Variants in PAPSS1 observed in about 807,000 individuals in gnomAD.
PAPSS1 encodes 3'-phosphoadenosine 5'-phosphosulfate synthase 1, also known as bifunctional 3'-phosphoadenosine 5'-phosphosulfate synthase 1.
Under a neutral mutation model 72.0 loss-of-function variants are expected in PAPSS1, and 50 were observed. The ratio of observed to expected loss-of-function variants is 0.69; its 90% confidence interval spans 0.55 to 0.88. The LOEUF (loss-of-function observed/expected upper bound fraction) is 0.88, where lower values mean the gene tolerates loss of function less well. Ranked by LOEUF, PAPSS1 falls within the 40% of genes least tolerant of loss-of-function variation. The pLI is 0.00. For synonymous variants in PAPSS1, 261 were observed against 263.6 expected, an observed-to-expected ratio of 0.99 and a Z score of 0.09; for missense variants, 657 against 782.2, an observed-to-expected ratio of 0.84 and a Z score of 1.91.
At chr4:107,623,418 T>C (rs1726019588) in intron 11 of PAPSS1, among the ~76,000 whole-genome samples, 1 of 151,934 alleles carries the variant, frequency 6.6e-6, no homozygotes, top group Admixed American at 6.6e-5. Context: ...CTAGGAAGAG[T>C]TTATGTTTGC....
intron 9 of PAPSS1, among the ~76,000 whole-genome samples, chr4:107,646,310 T>C (rs62311614): frequency 1.1e-3 from 114 of 100,046 alleles, no homozygotes; most frequent in South Asian, 9.6e-3. Context: ...TATATATATA[T>C]ACACACACAC....
intron 5 of PAPSS1, among the ~76,000 whole-genome samples, chr4:107,676,134 T>G (rs1406744449): frequency 1.3e-5 from 2 of 152,162 alleles, no homozygotes; most frequent in Non-Finnish European, 2.9e-5. Context: ...AAGACAGGGA[T>G]GCCCTCTCTC....
chr4:107,617,137 C>T (rs535486196), intron 11 of PAPSS1, among the ~76,000 whole-genome samples: 42 of 151,586 alleles, frequency 2.8e-4, no homozygotes, highest in Admixed American at 5.3e-4. Context: ...CTTCTGGTTT[C>T]CTCTGTTTGA....
At chr4:107,638,684 G>C (rs1469435631) in intron 10 of PAPSS1, among the ~76,000 whole-genome samples, 1 of 152,134 alleles carries the variant, frequency 6.6e-6, no homozygotes, top group Non-Finnish European at 1.5e-5. Flanking sequence ...AGAAAACAGA[G>C]GAAGGCAACC....
intron 2 of PAPSS1, among the ~76,000 whole-genome samples, chr4:107,698,567 A>T (rs1414256790): frequency 6.6e-6 from 1 of 152,184 alleles, no homozygotes; most frequent in African/African-American, 2.4e-5. Context: ...ATGAATGGGG[A>T]GACAGGCAAA....
In PAPSS1 at chr4:107,674,774, T is replaced by C. The variant is rs547804266; in HGVS notation, c.669+7241A>G. 1.4e-4 allele frequency among the ~76,000 whole-genome samples: 21 copies of C among 151,870 alleles called. 1 individual carries two copies. Among genetic ancestry groups the C allele is most frequent in the Non-Finnish European group, 2.1e-4 (14 of 68,038 alleles). On this transcript the variant is annotated intron_variant, in intron 5 of 11. Transcript: ENST00000265174. ...CGCACTTACTCCAAAATGCACCACA[T>C]AGTTGGAAGTAAAGCACTCCTCAGC...
chr4:107,650,089 A>C (rs564713572), intron 9 of PAPSS1, among the ~76,000 whole-genome samples: 3 of 152,322 alleles, frequency 2.0e-5, no homozygotes, highest in African/African-American at 7.2e-5. Context: ...AAGTACTTCT[A>C]AGATGAGGGG....
chr4:107,639,348 T>C (rs760661928), intron 10 of PAPSS1, among the ~76,000 whole-genome samples: 1 of 152,206 alleles, frequency 6.6e-6, no homozygotes, highest in African/African-American at 2.4e-5. Context: ...ACATTTGTGG[T>C]ACAGGTCCAC....
intron 11 of PAPSS1, among the ~76,000 whole-genome samples, chr4:107,616,000 T>C (rs1255147567): frequency 1.3e-5 from 2 of 152,092 alleles, no homozygotes; most frequent in Non-Finnish European, 2.9e-5. Flanking sequence ...AAATAAATGT[T>C]TGTCATCTAA....
intron 1 of PAPSS1, among the ~76,000 whole-genome samples, chr4:107,714,329 C>G (rs1723581361): frequency 6.6e-6 from 1 of 152,210 alleles, no homozygotes; most frequent in South Asian, 2.1e-4. Context: ...AGCCCAATCT[C>G]TCTCCCCTAC....
At chr4:107,662,019 T>TA (rs1207300301) in intron 5 of PAPSS1, among the ~76,000 whole-genome samples, 1 of 152,192 alleles carries the variant, frequency 6.6e-6, no homozygotes, top group Non-Finnish European at 1.5e-5. Context: ...AGGCTCCTCC[T>TA]ACTGGTAAAT....
At chr4:107,693,529 C>A (rs1340891879) in intron 3 of PAPSS1, among the ~76,000 whole-genome samples, 4 of 152,192 alleles carry the variant, frequency 2.6e-5, no homozygotes, top group Admixed American at 2.6e-4. Context: ...AATTCAATGA[C>A]TGTGTTATAC....
At chr4:107,641,974 T>C (rs887389226) in intron 10 of PAPSS1, among the ~76,000 whole-genome samples, 1 of 152,176 alleles carries the variant, frequency 6.6e-6, no homozygotes, top group Non-Finnish European at 1.5e-5. Context: ...TGTTAAATGA[T>C]TTACATTGAT....
chr4:107,699,538 A>G (rs1210938700), intron 2 of PAPSS1, among the ~76,000 whole-genome samples: 1 of 152,192 alleles, frequency 6.6e-6, no homozygotes, highest in African/African-American at 2.4e-5. Context: ...GTGATTATCC[A>G]CATGGAAAAA....
intron 4 of PAPSS1, among the ~76,000 whole-genome samples, chr4:107,682,652 T>G (rs1206621210): frequency 6.6e-6 from 1 of 152,220 alleles, no homozygotes; most frequent in Non-Finnish European, 1.5e-5. Flanking sequence ...CCAAGCTGCC[T>G]GTGAAGATAT....
intron 11 of PAPSS1, among the ~76,000 whole-genome samples, chr4:107,620,781 G>C (rs954057970): frequency 6.6e-6 from 1 of 152,108 alleles, no homozygotes; most frequent in Admixed American, 6.5e-5. Flanking sequence ...TATTAAGAAA[G>C]AAAGACAGAT....
chr4:107,679,392 G>A (rs946353817), intron 5 of PAPSS1, among the ~76,000 whole-genome samples: 2 of 152,090 alleles, frequency 1.3e-5, no homozygotes, highest in African/African-American at 4.8e-5. Flanking sequence ...GAAATTTGAA[G>A]CCTCTGGTGC....
intron 10 of PAPSS1, among the ~76,000 whole-genome samples, chr4:107,638,355 C>T (rs1340801198): frequency 1.3e-5 from 2 of 152,164 alleles, no homozygotes; most frequent in Admixed American, 1.3e-4. Flanking sequence ...GTATATGAGG[C>T]CCAATACAAG....
chr4:107,630,019 T>TA (rs905280158), intron 11 of PAPSS1, among the ~76,000 whole-genome samples: 1 of 152,088 alleles, frequency 6.6e-6, no homozygotes, highest in Non-Finnish European at 1.5e-5. Context: ...TTCCTAATCT[T>TA]AAAAAATCTT....
Sources: gnomAD v4.1 joint callset for allele counts (sites outside exome capture counted in the v4.1 genomes callset) on GRCh38, gnomAD v4.1.1 for gene constraint, MANE v1.5 for transcripts, NCBI Gene and HGNC (gene_info 2026-07-23, HGNC 2026-07-21) for gene names.